The following KCNIP4 variants were observed in gnomAD, a reference collection of about 807,000 sequenced individuals.
KCNIP4 encodes Kv channel-interacting protein 4.
A neutral mutation model predicts 34.0 loss-of-function variants in KCNIP4; 12 were observed. The observed-to-expected ratio is 0.35, with a 90% confidence interval of 0.23 to 0.57. The LOEUF (loss-of-function observed/expected upper bound fraction) is 0.57. Ranked by LOEUF, KCNIP4 falls within the 20% of genes least tolerant of loss-of-function variation. KCNIP4 has a pLI of 0.83. For synonymous variants in KCNIP4, 124 were observed against 102.2 expected (o/e 1.21, Z -1.29); for missense variants, 238 against 311.7 (o/e 0.76, Z 1.78).
chr4:21,072,226 C>A (rs1276563566), intron 1 of KCNIP4, among the ~76,000 whole-genome samples: 1 of 152,164 alleles, frequency 6.6e-6, no homozygotes, highest in Non-Finnish European at 1.5e-5. Flanking sequence ...ACACTGTCTT[C>A]CACAATGGTT....
intron 1 of KCNIP4, among the ~76,000 whole-genome samples, chr4:21,044,632 G>A (rs1373416860): frequency 6.6e-6 from 1 of 152,146 alleles, no homozygotes; most frequent in Non-Finnish European, 1.5e-5. Flanking sequence ...TGAACAGAAT[G>A]CAGACTGACT....
In KCNIP4 at chr4:20,728,797, TGTTGCAAAGACA is replaced by T. The variant is rs913208753; in HGVS notation, c.*1273_*1284del. On this transcript the variant is annotated 3_prime_UTR_variant, in exon 9 of 9. Coordinates refer to ENST00000382152, the MANE Select transcript of KCNIP4 (RefSeq NM_025221.6). Reference sequence around the variant, plus strand: ...ACACCAGAATAGATACCTGATTTATTGTTGCAAAGACAGTTGCAAATTTCCTCCTTCTGTAGC... The same window carrying T: ...ACACCAGAATAGATACCTGATTTATTGTTGCAAATTTCCTCCTTCTGTAGC... 16 of 152,622 alleles carry T rather than the reference TGTTGCAAAGACA, an allele frequency of 1.0e-4. No homozygotes were observed. The highest frequency in any genetic ancestry group is 3.6e-4 in the African/African-American group (15 of 41,448). 9.5% of individuals were successfully genotyped at this position (152,622 alleles called of 1,614,324 possible).
At chr4:21,814,688 G>T (rs1721885017) in intron 1 of KCNIP4, among the ~76,000 whole-genome samples, 2 of 152,090 alleles carry the variant, frequency 1.3e-5, no homozygotes, top group South Asian at 4.2e-4. Context: ...AGGCTGAAGA[G>T]GGACATTTTC....
At chr4:21,576,788 T>C (rs1216448586) in intron 1 of KCNIP4, among the ~76,000 whole-genome samples, 1 of 152,154 alleles carries the variant, frequency 6.6e-6, no homozygotes, top group African/African-American at 2.4e-5. Context: ...TATATTAATA[T>C]GCTAATTTCT....
intron 1 of KCNIP4, among the ~76,000 whole-genome samples, chr4:21,808,439 GATC>G (rs1457891406): frequency 6.6e-6 from 1 of 152,004 alleles, no homozygotes; most frequent in African/African-American, 2.4e-5. Context: ...ATTATTTTAT[GATC>G]ATCTTAATAT....
chr4:21,862,675 C>T (rs11725506), intron 1 of KCNIP4, among the ~76,000 whole-genome samples: 19,225 of 152,164 alleles, frequency 0.13, 1,283 homozygotes, highest in African/African-American at 0.17. Flanking sequence ...TAAATGAATA[C>T]GTAAACAGAA....
At chr4:21,566,635 T>A (rs1424851379) in intron 1 of KCNIP4, among the ~76,000 whole-genome samples, 1 of 152,140 alleles carries the variant, frequency 6.6e-6, no homozygotes, top group Non-Finnish European at 1.5e-5. Flanking sequence ...TTACCCAGTA[T>A]CAGATAGTTC....
intron 1 of KCNIP4, among the ~76,000 whole-genome samples, chr4:20,931,044 C>A (rs1352641340): frequency 6.6e-6 from 1 of 151,838 alleles, no homozygotes; most frequent in Non-Finnish European, 1.5e-5. Context: ...GAGTAGGTAA[C>A]CAAAGATGAT....
intron 1 of KCNIP4, among the ~76,000 whole-genome samples, chr4:21,182,740 A>T (rs893512481): frequency 6.6e-6 from 1 of 152,042 alleles, no homozygotes; most frequent in Non-Finnish European, 1.5e-5. Flanking sequence ...GTTTTAAAAA[A>T]TTATTTTTAA....
chr4:21,725,303 GA>G (rs1715110253), intron 1 of KCNIP4, among the ~76,000 whole-genome samples: 1 of 152,100 alleles, frequency 6.6e-6, no homozygotes, highest in Admixed American at 6.6e-5. Flanking sequence ...CACCATTTGT[GA>G]ATAACAGTCT....
At chr4:21,080,215 G>C (rs974740890) in intron 1 of KCNIP4, among the ~76,000 whole-genome samples, 1 of 151,768 alleles carries the variant, frequency 6.6e-6, no homozygotes, top group Non-Finnish European at 1.5e-5. Context: ...TCCCAGGCAA[G>C]TTATTAAATT....
intron 2 of KCNIP4, among the ~76,000 whole-genome samples, chr4:20,862,244 C>T (rs1722283108): frequency 1.3e-5 from 2 of 152,070 alleles, no homozygotes; most frequent in African/African-American, 4.8e-5. Context: ...CTGCCTCTGC[C>T]TCCCAAAGTG....
intron 1 of KCNIP4, among the ~76,000 whole-genome samples, chr4:20,939,394 T>A (rs1278581414): frequency 2.0e-5 from 3 of 152,106 alleles, no homozygotes; most frequent in Admixed American, 6.6e-5. Flanking sequence ...TTATTTATTT[T>A]TTGAGATGGA....
At chr4:21,943,971 A>G (rs906369978) in intron 1 of KCNIP4, among the ~76,000 whole-genome samples, 2 of 149,054 alleles carry the variant, frequency 1.3e-5, no homozygotes, top group African/African-American at 4.9e-5. Context: ...TTTTTTTTTT[A>G]ACAACATGCC....
chr4:21,425,758 T>C (rs2109645294), intron 1 of KCNIP4, among the ~76,000 whole-genome samples: 1 of 152,194 alleles, frequency 6.6e-6, no homozygotes, highest in Admixed American at 6.5e-5. Context: ...TGCTAACATA[T>C]CTTAAAAGTG....
At chr4:20,982,415 A>C (rs1413878468) in intron 1 of KCNIP4, among the ~76,000 whole-genome samples, 1 of 152,220 alleles carries the variant, frequency 6.6e-6, no homozygotes, top group African/African-American at 2.4e-5. Flanking sequence ...ATCTCAAGAG[A>C]ATGCAAAATT....
chr4:21,763,435 A>C (rs1440382130), intron 1 of KCNIP4, among the ~76,000 whole-genome samples: 1 of 152,170 alleles, frequency 6.6e-6, no homozygotes, highest in Non-Finnish European at 1.5e-5. Flanking sequence ...CTGAATAAAA[A>C]GAACTGGATA....
At chr4:20,851,249 A>T (rs933251651) in intron 2 of KCNIP4, among the ~76,000 whole-genome samples, 5 of 152,106 alleles carry the variant, frequency 3.3e-5, no homozygotes, top group Non-Finnish European at 5.9e-5. Context: ...TGTTCTCATC[A>T]ATCAGCTCCC....
chr4:21,749,082 C>A (rs1450090268), intron 1 of KCNIP4, among the ~76,000 whole-genome samples: 1 of 152,012 alleles, frequency 6.6e-6, no homozygotes, highest in Non-Finnish European at 1.5e-5. Flanking sequence ...ATTGTGAATC[C>A]CCTTATTCAA....
Sources: allele counts gnomAD v4.1 joint callset (sites outside exome capture counted in the v4.1 genomes callset), GRCh38; gene constraint gnomAD v4.1.1; transcripts MANE v1.5; gene names NCBI Gene and HGNC (gene_info 2026-07-23, HGNC 2026-07-21).